AQP7: variants seen among roughly 807,000 people sequenced by gnomAD.
AQP7 encodes aquaporin-7.
Under a neutral mutation model 26.1 loss-of-function variants are expected in AQP7, and 22 were observed. The observed-to-expected ratio is 0.84, with a 90% CI of 0.60 to 1.20. The LOEUF is 1.20. AQP7 is among the 50% of genes most tolerant of loss of function. The pLI, the probability that AQP7 is intolerant of heterozygous loss-of-function variation, is 0.00. For missense variants in AQP7, 412 were observed against 457.5 expected (o/e 0.90, Z 0.91); for synonymous variants, 167 against 181.7 (o/e 0.92, Z 0.65).
intron 5 of AQP7, 83 bp downstream of exon 5, chr9:33,386,321 A>G: frequency 6.3e-7 from 1 of 1,597,994 alleles, no homozygotes; most frequent in Non-Finnish European, 8.5e-7. Flanking sequence ...ATTTTTTACA[A>G]ATCAGGACAC....
chr9:33,392,175 A>G (rs1479746508), intron 3 of AQP7, among the ~76,000 whole-genome samples: 8 of 152,080 alleles, frequency 5.3e-5, no homozygotes, highest in Non-Finnish European at 8.8e-5. Flanking sequence ...TTGGCTGGGC[A>G]TGGTGGCATG....
chr9:33,387,231 C>T (rs1824929485), intron 3 of AQP7, 139 bp from the exon 4 acceptor site: 1 of 1,005,698 alleles, frequency 9.9e-7, no homozygotes, highest in African/African-American at 1.6e-5. Flanking sequence ...GCCACGCCCT[C>T]TTCCTCCAGA....
At chr9:33,392,991 G>C (rs1160767201) in intron 3 of AQP7, among the ~76,000 whole-genome samples, 1 of 152,214 alleles carries the variant, frequency 6.6e-6, no homozygotes, top group Non-Finnish European at 1.5e-5. Context: ...ACTTTGGGAG[G>C]CTGAGGCAGG....
chr9:33,387,749 T>C (rs1345938294), intron 3 of AQP7, among the ~76,000 whole-genome samples: 1 of 152,016 alleles, frequency 6.6e-6, no homozygotes, highest in African/African-American at 2.4e-5. Context: ...CACTGTTCCC[T>C]TCAGCCCTGG....
intron 6 of AQP7, 40 bp from the exon 7 acceptor site, chr9:33,385,906 C>T: frequency 1.3e-6 from 2 of 1,584,458 alleles, no homozygotes; most frequent in Non-Finnish European, 8.6e-7. Flanking sequence ...TGGGCCCCTC[C>T]CCAAGCCACA....
chr9:33,386,159 A>C lies in AQP7; in HGVS notation c.443T>G (p.Val148Gly), dbSNP rs774764353. ...GCCAGCTGTAGCGACGGGACCGGTCACCATCAGCTGTCCACCCGAAAAGTG... is the reference window on the plus strand; with the variant it reads ...GCCAGCTGTAGCGACGGGACCGGTCCCCATCAGCTGTCCACCCGAAAAGTG... The part of the protein sequence containing the change: ...ILHFSGGQLM[V>G]TGPVATAGIF... The change falls in exon 6 of 8, where the codon GTG becomes GGG. Residue 148 changes from valine to glycine, a missense_variant. Transcript: ENST00000297988. 1 of 1,614,000 alleles carries C rather than the reference A, an allele frequency of 6.2e-7. No individual in the cohort carries two copies. The highest frequency in any genetic ancestry group is 1.1e-5 in the South Asian group (1 of 91,074).
chr9:33,402,186 C>T (rs1189035861), intron 1 of AQP7, among the ~76,000 whole-genome samples, 187 bp downstream of exon 1: 4 of 152,176 alleles, frequency 2.6e-5, no homozygotes, highest in Admixed American at 1.3e-4. Flanking sequence ...GTGTATGTGC[C>T]TGTGTCACAC....
rs190625868 is a variant in AQP7 at position 33,385,198 on chromosome 9, G to A, written c.836C>T (p.Thr279Ile). 9.3e-6 allele frequency: 15 copies of A among 1,611,922 alleles called. No homozygotes were observed. The East Asian group carries it at 2.5e-4, about 26-fold the overall frequency. Reference sequence around the variant, plus strand: ...CAATTTCAGGGGCTCCCGTGGGATGGTGGAGCCAATGAAGACCAGGTAGAT... The same window carrying A: ...CAATTTCAGGGGCTCCCGTGGGATGATGGAGCCAATGAAGACCAGGTAGAT... ...GIIYLVFIGSTIPREPLKLED... is the reference protein window; with the variant it reads ...GIIYLVFIGSIIPREPLKLED... The change falls in exon 8 of 8, where the codon ACC (threonine) becomes ATC (isoleucine). Residue 279 changes from threonine to isoleucine, a missense_variant. Coordinates refer to ENST00000297988, the MANE Select transcript of AQP7 (RefSeq NM_001170.3).
chr9:33,394,909 A>G (rs1825722194), intron 3 of AQP7, among the ~76,000 whole-genome samples, 169 bp downstream of exon 3: 1 of 152,144 alleles, frequency 6.6e-6, no homozygotes, highest in African/African-American at 2.4e-5. Context: ...CTTTCTGTCC[A>G]AAAAGGCTTG....
intron 2 of AQP7, among the ~76,000 whole-genome samples, chr9:33,399,145 C>CT (rs1336141856): frequency 1.3e-5 from 2 of 151,740 alleles, no homozygotes; most frequent in Non-Finnish European, 2.9e-5. Context: ...TGGTGGCTTA[C>CT]TAACCCTTTG....
At chr9:33,400,426 C>T (rs1826181199) in intron 2 of AQP7, among the ~76,000 whole-genome samples, 1 of 151,994 alleles carries the variant, frequency 6.6e-6, no homozygotes, top group South Asian at 2.1e-4. Context: ...CTGCAGAAAG[C>T]CTCTCAGGTG....
intron 2 of AQP7, among the ~76,000 whole-genome samples, chr9:33,399,131 C>T (rs1283420648): frequency 3.3e-5 from 5 of 151,914 alleles, no homozygotes; most frequent in South Asian, 2.1e-4. Context: ...TGAGCCACCA[C>T]GCCTGGTGGC....
At position 33,395,185 on chromosome 9, in the gene AQP7, C is replaced by T. The variant is rs1825754264; in HGVS notation, c.37G>A (p.Gly13Ser). 8 of 1,613,664 alleles carry T rather than the reference C, an allele frequency of 5.0e-6. No homozygotes were observed. Among genetic ancestry groups the T allele is most frequent in the African/African-American group, 1.3e-5 (1 of 74,936 alleles). The change falls in exon 3 of 8, where the codon GGC becomes AGC. Residue 13 changes from glycine to serine, a missense_variant. Gly to Ser is a moderately conservative substitution (Grantham distance 56, BLOSUM62 0). Transcript: ENST00000297988. ...ACGGACCAGGAGACCATTTTGGAGC[C>T]ACGGGTGGACCTAAGACAGTGGCCC... ...QASGHRRSTR[G>S]SKMVSWSVIA...
intron 3 of AQP7, among the ~76,000 whole-genome samples, chr9:33,387,624 C>T (rs546203578): frequency 6.6e-6 from 1 of 152,114 alleles, no homozygotes; most frequent in South Asian, 2.1e-4. Flanking sequence ...TTCCACTGAC[C>T]TCAGGCGGCA....
rs1824510518 is a variant in AQP7, at chr9:33,383,549, G to T, written c.*1456C>A. The stretch of plus-strand genomic sequence containing the variant: ...CTGTACATTGTACTTCTCCGGTATT[G>T]ATCAATCCCCGCTCTCGTCTCCACG... On this transcript the variant is annotated 3_prime_UTR_variant, in exon 8 of 8. Transcript: ENST00000297988. The T allele has an allele frequency of 6.6e-6, 1 of 152,210 alleles. No homozygotes were observed. Among genetic ancestry groups the T allele is most frequent in the Non-Finnish European group, 1.5e-5 (1 of 68,092 alleles). 9.4% of individuals were successfully genotyped at this position (152,210 alleles called of 1,614,324 possible).
intron 2 of AQP7, among the ~76,000 whole-genome samples, chr9:33,397,453 G>A (rs980261283): frequency 2.6e-5 from 4 of 152,104 alleles, no homozygotes; most frequent in Admixed American, 6.5e-5. Flanking sequence ...TGCTGCATGG[G>A]AGCTGGAGTT....
In AQP7 at chr9:33,386,070, C is replaced by T. The variant is rs771549508; in HGVS notation, c.525+7G>A. 5.0e-6 allele frequency: 8 copies of T among 1,612,716 alleles called. No homozygotes were observed. In the Admixed American group the frequency reaches 1.0e-4, roughly 20 times the overall value. On this transcript the variant is annotated splice_region_variant and intron_variant, in intron 6 of 7. Transcript: ENST00000297988. ...AGGGGGAGGGATACTCATCCTCGAC[C>T]ACTGACCTCATTCAGGAAGCCCCGC...
chr9:33,395,334 G>A, intron 2 of AQP7, 139 bp from the exon 3 acceptor site: 1 of 698,856 alleles, frequency 1.4e-6, no homozygotes, highest in Non-Finnish European at 2.5e-6. Flanking sequence ...CAGGGCAGCT[G>A]GGACAGCTGG....
intron 2 of AQP7, among the ~76,000 whole-genome samples, chr9:33,396,977 TGTGGTCCCAGCTAATGGGGAGGCTG>T (rs1373031111): frequency 6.6e-6 from 1 of 151,584 alleles, no homozygotes. Context: ...GGTGTACGCC[TGTGGTCCCAGCTAATGGGGAGGCTG>T]AGGTGGGAGG....
Sources: gnomAD v4.1 joint callset for allele counts (sites outside exome capture counted in the v4.1 genomes callset) on GRCh38, gnomAD v4.1.1 for gene constraint, MANE v1.5 for transcripts, NCBI Gene and HGNC (gene_info 2026-07-23, HGNC 2026-07-21) for gene names.